Variants in MSH3 observed in about 807,000 individuals in gnomAD.
MSH3 encodes DNA mismatch repair protein Msh3.
A neutral mutation model predicts 123.3 loss-of-function variants in MSH3; 106 were observed. The ratio of observed to expected loss-of-function variants is 0.86; its 90% CI spans 0.73 to 1.01. The LOEUF is 1.01. Ranked by LOEUF, MSH3 falls within the 50% of genes least tolerant of loss-of-function variation. The pLI, the probability that MSH3 is intolerant of heterozygous loss-of-function variation, is 0.00. For missense variants in MSH3, 1,459 were observed against 1,347.6 expected (o/e 1.08, Z -1.29); for synonymous variants, 515 against 481.4 (o/e 1.07, Z -0.91).
At position 80,873,150 on chromosome 5, in the gene MSH3, C is replaced by T. The variant is rs564770327; in HGVS notation, c.3165C>T (p.Phe1055=). 9.9e-6 allele frequency: 16 copies of T among 1,613,872 alleles called. No individual in the cohort carries two copies. Among genetic ancestry groups the T allele is most frequent in the Middle Eastern group, 1.7e-4 (1 of 6,056 alleles). The change falls in exon 23 of 24, where the codon TTC becomes TTT. Residue 1055 remains phenylalanine, a synonymous_variant. Coordinates refer to ENST00000265081, the MANE Select transcript of MSH3 (RefSeq NM_002439.5). ...AACAAGTCCCTGATTTTGTCACCTT[C>T]CTTTACCAAATAACTAGAGGAATTG... The part of the protein sequence containing the change: ...AAEQVPDFVT[F]LYQITRGIAA...
At position 80,806,458 on chromosome 5, in the gene MSH3, T is replaced by C. The variant is rs527946897; in HGVS notation, c.2656-7126T>C. ...CTAATTTCATATCTTTCTATATGGATAATCAATTGTTTTGTACCAGTTTTC... is the reference window on the plus strand; with the variant it reads ...CTAATTTCATATCTTTCTATATGGACAATCAATTGTTTTGTACCAGTTTTC... On this transcript the variant is annotated intron_variant, in intron 19 of 23. Coordinates refer to ENST00000265081, the MANE Select transcript of MSH3 (RefSeq NM_002439.5). Among the ~76,000 whole-genome samples the C allele has an allele frequency of 2.0e-5, 3 of 152,364 alleles. No homozygotes were observed. The South Asian group carries it at 6.2e-4, about 32-fold the overall frequency.
chr5:80,834,846 T>G (rs1055967009), intron 20 of MSH3, among the ~76,000 whole-genome samples: 2 of 152,028 alleles, frequency 1.3e-5, no homozygotes, highest in Non-Finnish European at 2.9e-5. Flanking sequence ...AACCCTATAA[T>G]ACCATGAGGC....
chr5:80,813,420 C>T (rs761963737), intron 19 of MSH3, among the ~76,000 whole-genome samples, 164 bp from the exon 20 acceptor site: 11 of 152,210 alleles, frequency 7.2e-5, no homozygotes, highest in Non-Finnish European at 1.3e-4. Flanking sequence ...CACTTTTCTG[C>T]AGTATCACAC....
intron 13 of MSH3, among the ~76,000 whole-genome samples, chr5:80,762,526 C>T (rs1744051943): frequency 6.6e-6 from 1 of 151,528 alleles, no homozygotes; most frequent in Non-Finnish European, 1.5e-5. Context: ...TTGCTAGTAA[C>T]AGAATCTGTA....
At chr5:80,825,581 AAG>A (rs879330118) in intron 20 of MSH3, among the ~76,000 whole-genome samples, 5 of 74,832 alleles carry the variant, frequency 6.7e-5, no homozygotes, top group African/African-American at 1.8e-4. Flanking sequence ...TAGTGCACAC[AAG>A]GGAGTTTTTC....
chr5:80,691,134 T>G (rs1473052470), intron 8 of MSH3, among the ~76,000 whole-genome samples: 1 of 152,030 alleles, frequency 6.6e-6, no homozygotes, highest in African/African-American at 2.4e-5. Flanking sequence ...GTAGTTAATA[T>G]TTAGACTACG....
intron 19 of MSH3, among the ~76,000 whole-genome samples, chr5:80,793,794 G>A (rs578083377): frequency 6.6e-6 from 1 of 152,312 alleles, no homozygotes; most frequent in South Asian, 2.1e-4. Flanking sequence ...AAGAATACTA[G>A]CAAGAGAGTG....
intron 22 of MSH3, among the ~76,000 whole-genome samples, chr5:80,865,314 CG>C: frequency 6.6e-6 from 1 of 152,256 alleles, no homozygotes; most frequent in East Asian, 1.9e-4. Flanking sequence ...CTTTTAAAAA[CG>C]CCCAATATTT....
At chr5:80,676,393 G>C (rs836810) in intron 7 of MSH3, among the ~76,000 whole-genome samples, 38,249 of 152,094 alleles carry the variant, frequency 0.25, 4,917 homozygotes, top group Middle Eastern at 0.33. Flanking sequence ...ACAGACTTAC[G>C]TGGACTCTGC....
At chr5:80,845,332 C>A (rs1426341553) in intron 20 of MSH3, among the ~76,000 whole-genome samples, 2 of 152,188 alleles carry the variant, frequency 1.3e-5, no homozygotes, top group Non-Finnish European at 2.9e-5. Context: ...CTGCCCTTAA[C>A]ATTTTTTCTT....
chr5:80,844,366 G>A (rs965434719), intron 20 of MSH3, among the ~76,000 whole-genome samples: 2 of 152,154 alleles, frequency 1.3e-5, no homozygotes, highest in African/African-American at 2.4e-5. Context: ...TGAGAAGAAT[G>A]TATTTTCTGT....
intron 8 of MSH3, among the ~76,000 whole-genome samples, chr5:80,695,549 G>A (rs2112834104): frequency 6.6e-6 from 1 of 152,152 alleles, no homozygotes; most frequent in Non-Finnish European, 1.5e-5. Context: ...GGCCACGCTG[G>A]TCTCAAGCTC....
chr5:80,708,489 G>A (rs1004131933), intron 8 of MSH3, among the ~76,000 whole-genome samples: 4 of 151,604 alleles, frequency 2.6e-5, no homozygotes, highest in African/African-American at 7.3e-5. Flanking sequence ...ACAGGGTCTC[G>A]CTTTTTCGCC....
intron 18 of MSH3, among the ~76,000 whole-genome samples, chr5:80,790,589 A>G (rs1744590258): frequency 1.3e-5 from 2 of 152,168 alleles, no homozygotes; most frequent in South Asian, 4.1e-4. Context: ...AAAATGAGAG[A>G]ATGATGATGC....
chr5:80,840,020 C>A (rs1376968756), intron 20 of MSH3, among the ~76,000 whole-genome samples: 1 of 152,140 alleles, frequency 6.6e-6, no homozygotes, highest in East Asian at 1.9e-4. Flanking sequence ...ATCTGTTAAC[C>A]TTTTGCTATA....
rs75509930 is a variant in MSH3 at position 80,699,130 on chromosome 5, C to T, written c.1340+20037C>T. ...GTGTACCCAGCACCTATCAAAGTAG[C>T]TCACACATAATAGGTGCTTAATAAA... On this transcript the variant is annotated intron_variant, in intron 8 of 23. Transcript: ENST00000265081. Among the ~76,000 whole-genome samples the T allele has an allele frequency of 5.2e-3, 794 of 152,188 alleles. 4 individuals carry two copies. Among genetic ancestry groups the T allele is most frequent in the Middle Eastern group, 0.017 (5 of 294 alleles).
chr5:80,771,262 T>A (rs1044393211), intron 15 of MSH3, among the ~76,000 whole-genome samples: 3 of 152,090 alleles, frequency 2.0e-5, no homozygotes, highest in Non-Finnish European at 2.9e-5. Flanking sequence ...GGCAGGAGGA[T>A]CGCTTGAGCT....
chr5:80,705,700 C>T (rs1397056010), intron 8 of MSH3, among the ~76,000 whole-genome samples: 1 of 152,186 alleles, frequency 6.6e-6, no homozygotes, highest in African/African-American at 2.4e-5. Context: ...TTCTTGAGGA[C>T]TGTGAAGGAA....
intron 21 of MSH3, among the ~76,000 whole-genome samples, chr5:80,859,277 C>T (rs1191153344): frequency 2.0e-5 from 3 of 152,056 alleles, no homozygotes; most frequent in African/African-American, 7.2e-5. Context: ...TGTGCCACCA[C>T]GCCTGGCTAA....
Sources: allele counts gnomAD v4.1 joint callset (sites outside exome capture counted in the v4.1 genomes callset), GRCh38; gene constraint gnomAD v4.1.1; transcripts MANE v1.5; gene names NCBI Gene and HGNC (gene_info 2026-07-23, HGNC 2026-07-21).